ZNF565: variants seen among roughly 807,000 people sequenced by gnomAD.
ZNF565 encodes the protein zinc finger protein 565.
ZNF565 carries 27 observed loss-of-function variants against 39.4 expected under a neutral mutation model. The observed-to-expected ratio is 0.69, with a 90% CI of 0.51 to 0.95. ZNF565 has a LOEUF of 0.95. ZNF565 is among the 40% of genes least tolerant of loss of function. The pLI, the probability that ZNF565 is intolerant of heterozygous loss-of-function variation, is 0.00. For missense variants in ZNF565, 524 were observed against 621.1 expected, an observed-to-expected ratio of 0.84 and a Z score of 1.66; for synonymous variants, 185 against 216.6, an observed-to-expected ratio of 0.85 and a Z score of 1.28.
chr19:36,245,837 A>G lies in ZNF565; in HGVS notation c.-307T>C, dbSNP rs1017879404. 2.9e-6 allele frequency: 1 copy of G among 347,304 alleles called. No homozygotes were observed. Among genetic ancestry groups the G allele is most frequent in the African/African-American group, 2.1e-5 (1 of 46,944 alleles). 21.5% of individuals were successfully genotyped at this position (347,304 alleles called of 1,614,324 possible). On this transcript the variant is annotated 5_prime_UTR_variant, in exon 1 of 5. Transcript: ENST00000355114. This position sits in a 1 kb window ranked among gnomAD's most constrained non-coding sequence, Gnocchi z 4.4. ...TTCGCCCAGCTGCGGGCCTCGGGCT[A>G]CTGGATCCGCTGTCTCGGTTTGGGT...
rs781713924 is a variant in ZNF565 at position 36,183,633 on chromosome 19, C to T, written c.333G>A (p.Glu111=). 12 of 1,614,152 alleles carry T rather than the reference C, an allele frequency of 7.4e-6. No individual in the cohort carries two copies. Among genetic ancestry groups the T allele is most frequent in the Non-Finnish European group, 1.0e-5 (12 of 1,180,024 alleles). The change falls in exon 5 of 5, where the codon GAG becomes GAA. Residue 111 remains glutamate, a synonymous_variant. Transcript: ENST00000304116. ...CCCAGTCAGCTCTAAAATCGGAGCCCTCCAGGTCACTGCATTTAAGGCTTT... is the reference window on the plus strand; with the variant it reads ...CCCAGTCAGCTCTAAAATCGGAGCCTTCCAGGTCACTGCATTTAAGGCTTT... ...IMESLKCSDL[E]GSDFRADWEC...
chr19:36,218,670 C>T (rs189505140), upstream of ZNF565, among the ~76,000 whole-genome samples: 795 of 152,044 alleles, frequency 5.2e-3, 7 homozygotes, highest in African/African-American at 0.018. Context: ...GGGGTTTCAC[C>T]GCGTTAGCCA....
chr19:36,222,311 G>A (rs1424561414), intron 1 of ZNF565, among the ~76,000 whole-genome samples: 1 of 152,146 alleles, frequency 6.6e-6, no homozygotes, highest in African/African-American at 2.4e-5. Context: ...GATGCACCAT[G>A]GTTGATTCAG....
chr19:36,221,100 C>T (rs1976816367), intron 1 of ZNF565, among the ~76,000 whole-genome samples: 1 of 152,024 alleles, frequency 6.6e-6, no homozygotes. Flanking sequence ...CTCGTCTTGG[C>T]CTCCCAAAGT....
chr19:36,232,047 A>G (rs180899681), intron 1 of ZNF565, among the ~76,000 whole-genome samples: 104 of 152,230 alleles, frequency 6.8e-4, no homozygotes, highest in Admixed American at 5.0e-3. Context: ...TATTAAAAAT[A>G]CAAAAACTAG....
chr19:36,214,234 G>A (rs1432808362), intron 1 of ZNF565, among the ~76,000 whole-genome samples: 1 of 151,972 alleles, frequency 6.6e-6, no homozygotes, highest in African/African-American at 2.4e-5. Context: ...ATTGCACACG[G>A]CCACAGTGTC....
chr19:36,190,991 C>CAAA (rs58218863), intron 4 of ZNF565, among the ~76,000 whole-genome samples: 1 of 79,292 alleles, frequency 1.3e-5, no homozygotes, highest in African/African-American at 4.2e-5. Flanking sequence ...GACTCTGTCT[C>CAAA]AAAAAAAAAA....
Position 36,183,298 on chromosome 19 carries a change from TA to T in ZNF565, c.667del (p.Tyr223MetfsTer44). On this transcript the variant is annotated frameshift_variant, in exon 5 of 5. Transcript: ENST00000304116. LOFTEE classifies it high-confidence loss of function. ...GGCCTTCCCACAGTCCTTACAGTCA[TA>T]AGGTTTCTCACCCGTGTGAATTCTC... is the stretch of plus-strand genomic sequence containing the variant. Reference protein sequence around the residue: ...HQRIHTGEKPYDCKDCGKAFG... With the variant: ...HQRIHTGEKPXDCKDCGKAFG... 6.2e-7 allele frequency: 1 copy of T among 1,614,050 alleles called. No individual in the cohort carries two copies. The highest frequency in any genetic ancestry group is 8.5e-7 in the Non-Finnish European group (1 of 1,179,958).
At position 36,236,286 on chromosome 19, in the gene ZNF565, A is replaced by T; in HGVS notation, c.55+9190T>A. The T allele has an allele frequency of 5.5e-6, 5 of 905,274 alleles. No individual in the cohort carries two copies. In the South Asian group the frequency reaches 1.0e-4, roughly 18 times the overall value. 56.1% of individuals were successfully genotyped at this position (905,274 alleles called of 1,614,324 possible). The stretch of plus-strand genomic sequence containing the variant: ...TGAGTATGATAACATTTCCTCTCAA[A>T]CCTTATCCCTTACTCTGCATTTGGG... On this transcript the variant is annotated intron_variant, in intron 1 of 4. Transcript: ENST00000355114.
chr19:36,182,957 A>C lies in ZNF565; in HGVS notation c.1009T>G (p.Cys337Gly). ...RIHTGEKPYE[C>G]KECGKGFIHS... ...ATAAAGCCCTTTCCGCATTCCTTAC[A>C]CTCGTAGGGTTTCTCACCAGTGTGG... The change falls in exon 5 of 5, where the codon TGT becomes GGT. Residue 337 changes from cysteine to glycine, a missense_variant. Coordinates refer to ENST00000304116, the MANE Select transcript of ZNF565 (RefSeq NM_152477.5). 6.2e-7 allele frequency: 1 copy of C among 1,613,836 alleles called. No homozygotes were observed.
chr19:36,182,864 A>G lies in ZNF565; in HGVS notation c.1102T>C (p.Cys368Arg). 1 of 1,614,108 alleles carries G rather than the reference A, an allele frequency of 6.2e-7. No individual in the cohort carries two copies. The highest frequency in any genetic ancestry group is 8.5e-7 in the Non-Finnish European group (1 of 1,180,032). ...SGEKPYECKE[C>R]GKAFRQHAQL... ...GCGTGCTGTCTGAAGGCCTTCCCACATTCCTTACACTCATAGGGTTTCTCC... is the reference window on the plus strand; with the variant it reads ...GCGTGCTGTCTGAAGGCCTTCCCACGTTCCTTACACTCATAGGGTTTCTCC... Residue 368 changes from cysteine (C) to arginine (R), a missense_variant, in exon 5 of 5, where the codon TGT (cysteine) becomes CGT (arginine). Transcript: ENST00000304116.
rs530834573 is a variant in ZNF565 at position 36,193,229 on chromosome 19, C to T, written c.232+1004G>A. 9.9e-5 allele frequency among the ~76,000 whole-genome samples: 15 copies of T among 151,712 alleles called. No individual in the cohort carries two copies. In the East Asian group the frequency reaches 2.6e-3, roughly 26 times the overall value. ...CGATCTCCTGACCTCGTGATCCGCC[C>T]GCCTCAGCCTCCCAAAGTGCAGGGA... On this transcript the variant is annotated intron_variant, in intron 4 of 4. Transcript: ENST00000304116.
At chr19:36,193,586 G>A (rs147261504) in intron 4 of ZNF565, among the ~76,000 whole-genome samples, 30 of 151,194 alleles carry the variant, frequency 2.0e-4, no homozygotes, top group African/African-American at 6.6e-4. Context: ...AACTACAGGC[G>A]CCTACCACCA....
intron 1 of ZNF565, among the ~76,000 whole-genome samples, chr19:36,230,961 C>T (rs990053110): frequency 1.3e-5 from 2 of 151,986 alleles, no homozygotes; most frequent in African/African-American, 4.8e-5. Context: ...GCCACCACGC[C>T]GGCTAATTTT....
At chr19:36,200,079 A>G (rs10416237) in intron 2 of ZNF565, among the ~76,000 whole-genome samples, 99,383 of 151,654 alleles carry the variant, frequency 0.66, 33,049 homozygotes, top group African/African-American at 0.77. Flanking sequence ...AGTCTGGAGT[A>G]CAGTGATGCA....
At chr19:36,219,095 A>G (rs1376065093), upstream of ZNF565, among the ~76,000 whole-genome samples, 2 of 152,192 alleles carry the variant, frequency 1.3e-5, no homozygotes, top group Non-Finnish European at 2.9e-5. Context: ...GGCGTGAGCC[A>G]CTGCGCCTGG....
chr19:36,244,540 A>G (rs2145481673), intron 1 of ZNF565, among the ~76,000 whole-genome samples: 1 of 151,894 alleles, frequency 6.6e-6, no homozygotes, highest in East Asian at 1.9e-4. Flanking sequence ...GACCCTAAAG[A>G]AAAAGTTTAT....
At chr19:36,207,472 G>A (rs1976196646) in intron 1 of ZNF565, among the ~76,000 whole-genome samples, 2 of 151,948 alleles carry the variant, frequency 1.3e-5, no homozygotes, top group Admixed American at 6.6e-5. Context: ...GCCAGGAGGC[G>A]GAGGTTGCGG....
At chr19:36,219,750 G>A (rs141387530) in intron 1 of ZNF565, among the ~76,000 whole-genome samples, 45 of 152,122 alleles carry the variant, frequency 3.0e-4, no homozygotes, top group African/African-American at 8.4e-4. Flanking sequence ...GTAAAGTGAT[G>A]ATTTTCTGTT....
Sources: allele counts gnomAD v4.1 joint callset (sites outside exome capture counted in the v4.1 genomes callset), GRCh38; gene constraint gnomAD v4.1.1; non-coding constraint Gnocchi (gnomAD v3.1); transcripts MANE v1.5; gene names NCBI Gene and HGNC (gene_info 2026-07-23, HGNC 2026-07-21).